WWOX: variants seen among roughly 807,000 people sequenced by gnomAD.
The protein encoded by WWOX is WW domain-containing oxidoreductase.
A neutral mutation model predicts 46.2 loss-of-function variants in WWOX; 69 were observed. The observed-to-expected ratio is 1.49, with a 90% CI of 1.23 to 1.82. The LOEUF (loss-of-function observed/expected upper bound fraction) is 1.82. Ranked by LOEUF, WWOX falls within the 40% of genes most tolerant of loss-of-function variation. WWOX has a pLI of 0.00. For synonymous variants in WWOX, 359 were observed against 202.6 expected, an observed-to-expected ratio of 1.77 and a Z score of -6.56; for missense variants, 919 against 542.6, an observed-to-expected ratio of 1.69 and a Z score of -6.89.
intron 8 of WWOX, among the ~76,000 whole-genome samples, chr16:78,716,528 T>C (rs1374954797): frequency 1.3e-5 from 2 of 152,084 alleles, no homozygotes; most frequent in Non-Finnish European, 2.9e-5. Context: ...TGCCCTCACT[T>C]TTGGGTCCCT....
chr16:78,473,678 C>T (rs913578783), intron 8 of WWOX, among the ~76,000 whole-genome samples: 6 of 152,034 alleles, frequency 3.9e-5, no homozygotes, highest in East Asian at 1.9e-4. Flanking sequence ...TTGGAATTGT[C>T]TTAAACAAGT....
intron 8 of WWOX, among the ~76,000 whole-genome samples, chr16:78,911,088 C>T (rs1328446204): frequency 1.3e-5 from 2 of 152,030 alleles, no homozygotes; most frequent in African/African-American, 4.8e-5. Context: ...CCCAGGGCCT[C>T]CCTTCTTGTT....
At chr16:78,593,538 G>A (rs926483412) in intron 8 of WWOX, among the ~76,000 whole-genome samples, 2 of 152,164 alleles carry the variant, frequency 1.3e-5, no homozygotes, top group African/African-American at 4.8e-5. Context: ...CTGATTCCCG[G>A]CCACAGTGCA....
At chr16:78,807,395 C>G (rs1012676630) in intron 8 of WWOX, among the ~76,000 whole-genome samples, 3 of 152,198 alleles carry the variant, frequency 2.0e-5, no homozygotes, top group East Asian at 3.9e-4. Flanking sequence ...TTCTTCTAAG[C>G]TTGAACACAG....
At chr16:79,201,449 G>T (rs552480866) in intron 8 of WWOX, among the ~76,000 whole-genome samples, 1 of 151,348 alleles carries the variant, frequency 6.6e-6, no homozygotes, top group South Asian at 2.1e-4. Flanking sequence ...GAGCTGGCTC[G>T]GTTTTCTAAA....
intron 8 of WWOX, among the ~76,000 whole-genome samples, chr16:78,916,464 T>A (rs1044738122): frequency 6.6e-6 from 1 of 152,178 alleles, no homozygotes; most frequent in Non-Finnish European, 1.5e-5. Flanking sequence ...TAAAGAGAAT[T>A]TGGGGAGATT....
chr16:79,056,787 C>T (rs111471575), intron 8 of WWOX, among the ~76,000 whole-genome samples: 186 of 152,286 alleles, frequency 1.2e-3, no homozygotes, highest in African/African-American at 4.1e-3. Flanking sequence ...CTTGAAAATA[C>T]GGTGAGATTG....
intron 8 of WWOX, among the ~76,000 whole-genome samples, chr16:78,521,959 C>T (rs1484427589): frequency 6.6e-6 from 1 of 152,056 alleles, no homozygotes; most frequent in East Asian, 1.9e-4. Context: ...GTATTTGAAG[C>T]TCACAGCAGG....
intron 4 of WWOX, among the ~76,000 whole-genome samples, chr16:78,160,348 C>T (rs1331109605): frequency 6.6e-6 from 1 of 152,136 alleles, no homozygotes; most frequent in African/African-American, 2.4e-5. Flanking sequence ...TGGTCTCGAA[C>T]TCTTGGGCTC....
In WWOX at chr16:78,801,129, C is replaced by A. The variant is rs539092498; in HGVS notation, c.1056+368377C>A. Reference sequence around the variant, plus strand: ...AGTGCAGTGGTGCAATCTTGGCTCACTGCAGCCTCCACCTCTGCCTCCCAG... The same window carrying A: ...AGTGCAGTGGTGCAATCTTGGCTCAATGCAGCCTCCACCTCTGCCTCCCAG... On this transcript the variant is annotated intron_variant, in intron 8 of 8. Coordinates refer to ENST00000566780, the MANE Select transcript of WWOX (RefSeq NM_016373.4). 8.3e-4 allele frequency among the ~76,000 whole-genome samples: 126 copies of A among 151,934 alleles called. 1 individual carries two copies. Among genetic ancestry groups the A allele is most frequent in the South Asian group, 4.0e-3 (19 of 4,802 alleles).
At chr16:78,645,231 C>T (rs935116351) in intron 8 of WWOX, among the ~76,000 whole-genome samples, 8 of 152,104 alleles carry the variant, frequency 5.3e-5, no homozygotes, top group Admixed American at 2.6e-4. Context: ...AGGAGGGTAC[C>T]ACCTCCTCAT....
intron 8 of WWOX, among the ~76,000 whole-genome samples, chr16:78,975,985 C>G (rs1281343713): frequency 6.6e-6 from 1 of 152,204 alleles, no homozygotes; most frequent in African/African-American, 2.4e-5. Context: ...TGCTTGGAAA[C>G]CTTTGCAAAG....
chr16:79,210,883 C>T (rs16949960), intron 8 of WWOX, among the ~76,000 whole-genome samples: 59 of 152,158 alleles, frequency 3.9e-4, no homozygotes, highest in Non-Finnish European at 7.3e-4. Context: ...TTGCAACTTA[C>T]ATTTTGAAGT....
chr16:78,966,165 A>G (rs1331096531), intron 8 of WWOX, among the ~76,000 whole-genome samples: 2 of 152,204 alleles, frequency 1.3e-5, no homozygotes, highest in South Asian at 2.1e-4. Context: ...CCCATGATAT[A>G]ATTTATTTTT....
intron 8 of WWOX, among the ~76,000 whole-genome samples, chr16:78,976,222 T>C (rs1333530563): frequency 1.3e-5 from 2 of 152,232 alleles, no homozygotes; most frequent in Non-Finnish European, 2.9e-5. Flanking sequence ...TGAAAGTTTT[T>C]TTCCTTGCAA....
intron 5 of WWOX, among the ~76,000 whole-genome samples, chr16:78,331,569 G>C (rs975376183): frequency 1.3e-5 from 2 of 152,160 alleles, no homozygotes; most frequent in Admixed American, 1.3e-4. Context: ...AGTCTACCAG[G>C]CAGCACACAG....
chr16:78,174,478 CACAA>C (rs1193692987), intron 5 of WWOX, among the ~76,000 whole-genome samples: 1 of 152,208 alleles, frequency 6.6e-6, no homozygotes, highest in Non-Finnish European at 1.5e-5. Context: ...CCATATCAGA[CACAA>C]ACATTCAATT....
rs1277019703 is a variant in WWOX, at chr16:79,031,792, A to G, written c.1057-179816A>G. On this transcript the variant is annotated intron_variant, in intron 8 of 8. Coordinates refer to ENST00000566780, the MANE Select transcript of WWOX (RefSeq NM_016373.4). ...TAATATATAGAAAGATATATAATCT[A>G]TATATAGATATCTATATAATATATA... 3.7e-5 allele frequency among the ~76,000 whole-genome samples: 5 copies of G among 134,616 alleles called. No individual in the cohort carries two copies. The South Asian group carries it at 1.1e-3, about 31-fold the overall frequency. 88.3% of individuals were successfully genotyped at this position (134,616 alleles called of 152,430 possible).
At chr16:78,948,309 A>G (rs1337006548) in intron 8 of WWOX, among the ~76,000 whole-genome samples, 4 of 152,150 alleles carry the variant, frequency 2.6e-5, no homozygotes, top group Admixed American at 1.3e-4. Context: ...CTGTCTCACC[A>G]AAGAACTTCT....
Sources: allele counts gnomAD v4.1 joint callset (sites outside exome capture counted in the v4.1 genomes callset), GRCh38; gene constraint gnomAD v4.1.1; transcripts MANE v1.5; gene names NCBI Gene and HGNC (gene_info 2026-07-23, HGNC 2026-07-21).